Variants in NBAS observed in about 807,000 individuals in gnomAD.
NBAS encodes the protein NAG/BC035112 fusion.
In NBAS, 219 loss-of-function variants were observed where a neutral mutation model predicts 302.5. That is an observed-to-expected ratio of 0.72 (90% CI 0.65 to 0.81). The LOEUF (loss-of-function observed/expected upper bound fraction) is 0.81, where lower values mean the gene tolerates loss of function less well. Ranked by LOEUF, NBAS falls within the 30% of genes least tolerant of loss-of-function variation. The pLI is 0.00. For synonymous variants in NBAS, 1,118 were observed against 1,021.6 expected (o/e 1.09, Z -1.80); for missense variants, 2,932 against 2,841.6 (o/e 1.03, Z -0.72).
intron 44 of NBAS, among the ~76,000 whole-genome samples, chr2:15,275,278 AT>A (rs1239483840): frequency 6.6e-6 from 1 of 152,246 alleles, no homozygotes; most frequent in African/African-American, 2.4e-5. Context: ...AGTCATCTCT[AT>A]TTTAGCATAT....
chr2:14,815,458 T>A, the NBAS span, among the ~76,000 whole-genome samples: 1 of 152,138 alleles, frequency 6.6e-6, no homozygotes, highest in Non-Finnish European at 1.5e-5. Flanking sequence ...AGCCAAAGAG[T>A]GCCCATTGGG....
At chr2:15,095,884 G>A in the NBAS span, among the ~76,000 whole-genome samples, 4 of 152,156 alleles carry the variant, frequency 2.6e-5, no homozygotes, top group African/African-American at 7.2e-5. Context: ...AGGCAGAAAC[G>A]GCACAGTATC....
chr2:14,949,682 TATAG>T, the NBAS span, among the ~76,000 whole-genome samples: 1 of 152,158 alleles, frequency 6.6e-6, no homozygotes, highest in African/African-American at 2.4e-5. Flanking sequence ...TAGATATAGA[TATAG>T]ATATATAATG....
chr2:15,412,870 G>T (rs1219994551), intron 25 of NBAS, among the ~76,000 whole-genome samples: 2 of 152,136 alleles, frequency 1.3e-5, no homozygotes, highest in East Asian at 3.9e-4. Flanking sequence ...ATCACACAAG[G>T]ACAGCTAATT....
intron 28 of NBAS, among the ~76,000 whole-genome samples, 162 bp from the exon 29 acceptor site, chr2:15,383,479 G>C (rs375968352): frequency 6.6e-6 from 1 of 152,094 alleles, no homozygotes; most frequent in Non-Finnish European, 1.5e-5. Flanking sequence ...TAAATAGACA[G>C]GAAAACACTT....
chr2:15,245,942 G>A (rs1668078771), intron 44 of NBAS, among the ~76,000 whole-genome samples: 1 of 152,100 alleles, frequency 6.6e-6, no homozygotes, highest in Admixed American at 6.5e-5. Flanking sequence ...AACAGGCAGT[G>A]GGCTAAATTT....
the NBAS span, among the ~76,000 whole-genome samples, chr2:15,153,311 C>T: frequency 6.6e-6 from 1 of 152,220 alleles, no homozygotes; most frequent in African/African-American, 2.4e-5. Context: ...GGAGAATGAA[C>T]TGCACAATGT....
the NBAS span, among the ~76,000 whole-genome samples, chr2:15,090,412 T>C: frequency 2.0e-5 from 3 of 152,226 alleles, no homozygotes; most frequent in Admixed American, 6.5e-5. Flanking sequence ...GTTCATATTC[T>C]GGTATCTGTA....
At chr2:15,037,639 A>T in the NBAS span, among the ~76,000 whole-genome samples, 1 of 152,274 alleles carries the variant, frequency 6.6e-6, no homozygotes, top group Non-Finnish European at 1.5e-5. Flanking sequence ...AAATAACAAA[A>T]TGTCAAAAGC....
chr2:15,045,511 GTTT>G, the NBAS span, among the ~76,000 whole-genome samples: 1 of 151,900 alleles, frequency 6.6e-6, no homozygotes, highest in African/African-American at 2.4e-5. Flanking sequence ...TGATTGTTTT[GTTT>G]TGTTTTTTTA....
chr2:15,001,921 G>C, the NBAS span, among the ~76,000 whole-genome samples: 1 of 152,158 alleles, frequency 6.6e-6, no homozygotes, highest in Non-Finnish European at 1.5e-5. Flanking sequence ...GTGTGGAAGG[G>C]GACCCCAGGG....
At chr2:14,995,768 T>C in the NBAS span, among the ~76,000 whole-genome samples, 2 of 152,136 alleles carry the variant, frequency 1.3e-5, no homozygotes, top group Admixed American at 1.3e-4. Context: ...CCCAGTGCAG[T>C]GGCTACTCAC....
chr2:14,847,867 G>A, the NBAS span, among the ~76,000 whole-genome samples: 4 of 152,092 alleles, frequency 2.6e-5, no homozygotes, highest in Non-Finnish European at 4.4e-5. Context: ...CTCAAGGACA[G>A]GCCATATGTT....
intron 30 of NBAS, 21 bp downstream of exon 30, chr2:15,379,580 GA>G: frequency 3.7e-6 from 6 of 1,604,892 alleles, no homozygotes; most frequent in Non-Finnish European, 5.1e-6. Flanking sequence ...CCATCTTAGG[GA>G]AGAATATAGA....
At chr2:15,138,565 C>T in the NBAS span, among the ~76,000 whole-genome samples, 1 of 152,130 alleles carries the variant, frequency 6.6e-6, no homozygotes, top group Non-Finnish European at 1.5e-5. Flanking sequence ...GAGCCCAGGA[C>T]CTGGAGGCCA....
the NBAS span, among the ~76,000 whole-genome samples, chr2:14,869,083 G>A: frequency 1.3e-5 from 2 of 152,142 alleles, no homozygotes; most frequent in South Asian, 2.1e-4. Flanking sequence ...GGTCCTCGCA[G>A]CTAATGGAAA....
chr2:15,086,437 T>G, the NBAS span, among the ~76,000 whole-genome samples: 158 of 152,314 alleles, frequency 1.0e-3, no homozygotes, highest in Non-Finnish European at 4.0e-4. Context: ...GGACAAGAAC[T>G]CAGGACCCAC....
At chr2:15,173,720 C>T (rs980322784) in intron 51 of NBAS, among the ~76,000 whole-genome samples, 3 of 152,144 alleles carry the variant, frequency 2.0e-5, no homozygotes, top group Non-Finnish European at 4.4e-5. Context: ...CACAACGAGA[C>T]GGAGACAATC....
chr2:15,478,268 G>A lies in NBAS; in HGVS notation c.1105C>T (p.Pro369Ser), dbSNP rs1348018326. The change falls in exon 13 of 52, where the codon CCT becomes TCT. Residue 369 changes from proline to serine, a missense_variant. By Grantham distance (74) the Pro-to-Ser change is moderately conservative. Coordinates refer to ENST00000281513, the MANE Select transcript of NBAS (RefSeq NM_015909.4). ...NEQPGYDDLN[P>S]DWRLSTEKRK... ...TTCTCAGTAGAGAGCCTCCAATCAGGATTAAGGTCATCATAGCCTGGCTAA... is the reference window on the plus strand; with the variant it reads ...TTCTCAGTAGAGAGCCTCCAATCAGAATTAAGGTCATCATAGCCTGGCTAA... 3 of 1,611,564 alleles carry A rather than the reference G, an allele frequency of 1.9e-6. No individual in the cohort carries two copies. The highest frequency in any genetic ancestry group is 2.2e-5 in the South Asian group (2 of 91,008).
Sources: allele counts gnomAD v4.1 joint callset (sites outside exome capture counted in the v4.1 genomes callset), GRCh38; gene constraint gnomAD v4.1.1; transcripts MANE v1.5; gene names NCBI Gene and HGNC (gene_info 2026-07-23, HGNC 2026-07-21).